The following PDE11A variants were observed in gnomAD, a reference collection of about 807,000 sequenced individuals.
The protein encoded by PDE11A is dual 3',5'-cyclic-AMP and -GMP phosphodiesterase 11A.
In PDE11A, 100 loss-of-function variants were observed where a neutral mutation model predicts 100.5. The ratio of observed to expected loss-of-function variants is 1.00; its 90% CI spans 0.85 to 1.18. PDE11A has a LOEUF of 1.18. PDE11A is among the 50% of genes most tolerant of loss of function. PDE11A has a pLI of 0.00. For synonymous variants in PDE11A, 381 were observed against 420.8 expected, an observed-to-expected ratio of 0.91 and a Z score of 1.16; for missense variants, 1,141 against 1,152.6, an observed-to-expected ratio of 0.99 and a Z score of 0.15.
intron 1 of PDE11A, among the ~76,000 whole-genome samples, chr2:178,063,657 G>T (rs879808933): frequency 4.6e-5 from 7 of 152,140 alleles, no homozygotes; most frequent in Non-Finnish European, 1.0e-4. Flanking sequence ...CCTGGCCCTG[G>T]GTGATTTAGG....
intron 2 of PDE11A, among the ~76,000 whole-genome samples, chr2:178,088,121 G>A (rs1337477027): frequency 1.3e-5 from 2 of 152,056 alleles, no homozygotes; most frequent in African/African-American, 4.8e-5. Flanking sequence ...ACAGTATTAT[G>A]TGTTTACATG....
At chr2:177,982,237 A>AT (rs1032855374) in intron 2 of PDE11A, among the ~76,000 whole-genome samples, 1 of 149,816 alleles carries the variant, frequency 6.7e-6, no homozygotes, top group African/African-American at 2.4e-5. Flanking sequence ...AGCTTTTGTT[A>AT]TTTTTTTTGG....
At chr2:177,847,179 A>G (rs1388330703) in intron 5 of PDE11A, among the ~76,000 whole-genome samples, 1 of 152,160 alleles carries the variant, frequency 6.6e-6, no homozygotes, top group Non-Finnish European at 1.5e-5. Context: ...AAGCCAGTCC[A>G]GTCCACAGTT....
rs1373790518 is a variant in PDE11A at position 177,629,380 on chromosome 2, T to C, written c.*27A>G. On this transcript the variant is annotated 3_prime_UTR_variant, in exon 20 of 20. Transcript: ENST00000286063. Reference sequence around the variant, plus strand: ...AAAATGGCCCTTCAGGCTGTAGTCATTTTGCAGCTGCAGCTGACCTGGAGG... The same window carrying C: ...AAAATGGCCCTTCAGGCTGTAGTCACTTTGCAGCTGCAGCTGACCTGGAGG... The C allele has an allele frequency of 6.2e-7, 1 of 1,608,140 alleles. No individual in the cohort carries two copies. The highest frequency in any genetic ancestry group is 2.2e-5 in the East Asian group (1 of 44,866).
intron 2 of PDE11A, among the ~76,000 whole-genome samples, chr2:177,947,615 G>A (rs2105780510): frequency 6.6e-6 from 1 of 151,664 alleles, no homozygotes; most frequent in South Asian, 2.1e-4. Flanking sequence ...AAGTAATCAG[G>A]GACACAAACA....
At position 177,624,663 on chromosome 2, in the gene PDE11A, T is replaced by C. The variant is rs1180434858; in HGVS notation, c.*4744A>G. On this transcript the variant is annotated 3_prime_UTR_variant, in exon 20 of 20. Coordinates refer to ENST00000286063, the MANE Select transcript of PDE11A (RefSeq NM_016953.4). ...GACATCTCAGATTTTAGAAACAAAATGCATGTGCAATTTTAACTTCTCTTA... is the reference window on the plus strand; with the variant it reads ...GACATCTCAGATTTTAGAAACAAAACGCATGTGCAATTTTAACTTCTCTTA... The C allele has an allele frequency of 6.6e-6, 1 of 152,244 alleles. No homozygotes were observed. Among genetic ancestry groups the C allele is most frequent in the African/African-American group, 2.4e-5 (1 of 41,470 alleles). 9.4% of individuals were successfully genotyped at this position (152,244 alleles called of 1,614,324 possible).
chr2:178,072,969 G>C, upstream of PDE11A: 1 of 985,334 alleles, frequency 1.0e-6, no homozygotes. Flanking sequence ...CAGGACTCCT[G>C]ATTGGAACAC....
chr2:177,698,344 T>C (rs1311310714), intron 14 of PDE11A: 1 of 66,866 alleles, frequency 1.5e-5, no homozygotes, highest in Non-Finnish European at 5.2e-5. Flanking sequence ...AAAATATTTG[T>C]CTTTAGTAAA....
At chr2:177,902,402 G>A (rs909116972) in intron 3 of PDE11A, among the ~76,000 whole-genome samples, 3 of 152,158 alleles carry the variant, frequency 2.0e-5, no homozygotes, top group Non-Finnish European at 4.4e-5. Flanking sequence ...CAGCCTTGTT[G>A]CTCACACAAA....
chr2:178,048,693 A>T (rs763002261), intron 1 of PDE11A, among the ~76,000 whole-genome samples: 2 of 152,220 alleles, frequency 1.3e-5, no homozygotes, highest in African/African-American at 4.8e-5. Context: ...ATGGGCATCC[A>T]GCATTTTCTG....
chr2:177,638,963 T>C (rs1421886168), intron 19 of PDE11A, among the ~76,000 whole-genome samples: 1 of 152,224 alleles, frequency 6.6e-6, no homozygotes, highest in Non-Finnish European at 1.5e-5. Context: ...AAAGTGGCCC[T>C]CTGCAGATCT....
In PDE11A at chr2:177,669,538, G is replaced by C. The variant is rs778256443; in HGVS notation, c.2517C>G (p.Phe839Leu). Reference sequence around the variant, plus strand: ...CTAATCTCTCCCGATCTCCTTGTTCGAAGAACTCACTGGTTACAAGTTCTG... The same window carrying C: ...CTAATCTCTCCCGATCTCCTTGTTCCAAGAACTCACTGGTTACAAGTTCTG... Reference protein sequence around the residue: ...QVAELVTSEFFEQGDRERLEL... With the variant: ...QVAELVTSEFLEQGDRERLEL... Residue 839 changes from phenylalanine (F) to leucine (L), a missense_variant, in exon 18 of 20, where the codon TTC becomes TTG. Physicochemically the swap from Phe to Leu is conservative, Grantham distance 22. Coordinates refer to ENST00000286063, the MANE Select transcript of PDE11A (RefSeq NM_016953.4). 2.0e-6 allele frequency: 3 copies of C among 1,478,380 alleles called. No individual in the cohort carries two copies. The highest frequency in any genetic ancestry group is 2.8e-6 in the Non-Finnish European group (3 of 1,056,510). 91.6% of individuals were successfully genotyped at this position (1,478,380 alleles called of 1,614,324 possible).
At chr2:178,101,764 C>T (rs2087561776) in intron 2 of PDE11A, among the ~76,000 whole-genome samples, 1 of 152,114 alleles carries the variant, frequency 6.6e-6, no homozygotes, top group South Asian at 2.1e-4. Flanking sequence ...GAACCCAGGA[C>T]AAAGACCAAA....
At chr2:177,799,405 G>A (rs561383604) in intron 9 of PDE11A, among the ~76,000 whole-genome samples, 1 of 152,238 alleles carries the variant, frequency 6.6e-6, no homozygotes, top group Non-Finnish European at 1.5e-5. Context: ...AGGTATAAGG[G>A]AACTCTCTGT....
chr2:177,868,551 T>C (rs1284112966), intron 5 of PDE11A, among the ~76,000 whole-genome samples: 1 of 152,204 alleles, frequency 6.6e-6, no homozygotes. Flanking sequence ...TGAAGGAAAA[T>C]GTAAAACTAT....
chr2:177,737,989 A>G (rs1253880454), intron 10 of PDE11A, among the ~76,000 whole-genome samples: 1 of 152,176 alleles, frequency 6.6e-6, no homozygotes, highest in Non-Finnish European at 1.5e-5. Flanking sequence ...CCATGCCACA[A>G]TATCCCCTGG....
intron 1 of PDE11A, among the ~76,000 whole-genome samples, chr2:178,022,243 G>A (rs1363056149): frequency 3.3e-5 from 5 of 152,164 alleles, no homozygotes; most frequent in African/African-American, 4.8e-5. Context: ...ATTCTATGCT[G>A]ATTAATTTGG....
At chr2:177,925,860 T>C (rs2105758789) in intron 2 of PDE11A, among the ~76,000 whole-genome samples, 1 of 152,342 alleles carries the variant, frequency 6.6e-6, no homozygotes, top group Admixed American at 6.5e-5. Flanking sequence ...AAAAATGAAA[T>C]CTTTTTTCTT....
chr2:178,014,201 G>T (rs1369914599), intron 2 of PDE11A, 101 bp downstream of exon 2: 3 of 899,886 alleles, frequency 3.3e-6, no homozygotes, highest in East Asian at 4.8e-5. Context: ...CCATGAATGG[G>T]CTAATCCAAC....
Sources: allele counts gnomAD v4.1 joint callset (sites outside exome capture counted in the v4.1 genomes callset), GRCh38; gene constraint gnomAD v4.1.1; transcripts MANE v1.5; gene names NCBI Gene and HGNC (gene_info 2026-07-23, HGNC 2026-07-21).